EP300: variants seen among roughly 807,000 people sequenced by gnomAD.
The protein encoded by EP300 is EP300 lysine acetyltransferase.
Under a neutral mutation model 264.0 loss-of-function variants are expected in EP300, and 31 were observed. The ratio of observed to expected loss-of-function variants is 0.12; its 90% CI spans 0.09 to 0.16. The LOEUF (loss-of-function observed/expected upper bound fraction) is 0.16. EP300 is among the 10% of genes least tolerant of loss of function. EP300 has a pLI of 1.00. For missense variants in EP300, 2,766 were observed against 3,052.9 expected (o/e 0.91, Z 2.21); for synonymous variants, 1,340 against 1,045.4 (o/e 1.28, Z -5.44).
chr22:41,146,468 A>G (rs2059011269), intron 10 of EP300: 2 of 440,900 alleles, frequency 4.5e-6, no homozygotes, highest in Admixed American at 3.5e-5. Flanking sequence ...TGCCTGGCCT[A>G]TAATGGCTTC....
rs1569090318 is a variant in EP300, at chr22:41,117,300, A to G, written c.208A>G (p.Met70Val). The G allele has an allele frequency of 6.2e-7, 1 of 1,614,216 alleles. No homozygotes were observed. Among genetic ancestry groups the G allele is most frequent in the East Asian group, 2.2e-5 (1 of 44,880 alleles). The change falls in exon 2 of 31, where the codon ATG (methionine) becomes GTG (valine). Residue 70 changes from methionine (M) to valine (V), a missense_variant. Transcript: ENST00000263253. ...DINQLQTSLG[M>V]VQDAASKHKQ... is the part of the protein sequence containing the mutation. ...TAATCAGCTTCAGACAAGTCTTGGC[A>G]TGGTACAAGATGCAGCTTCTAAACA... is the stretch of plus-strand genomic sequence containing the variant.
chr22:41,107,051 C>A (rs1032203186), intron 1 of EP300, among the ~76,000 whole-genome samples: 1 of 152,056 alleles, frequency 6.6e-6, no homozygotes, highest in Admixed American at 6.6e-5. Flanking sequence ...GGATTACAGG[C>A]GTGCACCATC....
At chr22:41,161,359 T>A (rs926466100) in intron 20 of EP300, among the ~76,000 whole-genome samples, 1 of 152,242 alleles carries the variant, frequency 6.6e-6, no homozygotes, top group African/African-American at 2.4e-5. Context: ...GGCTCATGCC[T>A]GTCATCTCAG....
At chr22:41,095,232 AT>A (rs66515117) in intron 1 of EP300, among the ~76,000 whole-genome samples, 20,849 of 79,746 alleles carry the variant, frequency 0.26, 1,080 homozygotes, top group African/African-American at 0.35. Flanking sequence ...TACCATTGTA[AT>A]TTTTTTTTTT....
At chr22:41,148,807 T>C in intron 12 of EP300, 1 of 573,576 alleles carries the variant, frequency 1.7e-6, no homozygotes, top group Non-Finnish European at 3.1e-6. Flanking sequence ...CTCTTACTAT[T>C]TCTTGGAGTA....
At chr22:41,097,475 G>C (rs1282554148) in intron 1 of EP300, among the ~76,000 whole-genome samples, 2 of 152,124 alleles carry the variant, frequency 1.3e-5, no homozygotes, top group African/African-American at 4.8e-5. Context: ...GGAAACAGTT[G>C]AAAATTAATG....
intron 12 of EP300, 121 bp from the exon 13 acceptor site, chr22:41,148,917 C>T: frequency 2.2e-6 from 3 of 1,347,792 alleles, no homozygotes; most frequent in Non-Finnish European, 1.0e-6. Flanking sequence ...TTCACCTATA[C>T]TCCTGTCTTT....
intron 1 of EP300, among the ~76,000 whole-genome samples, chr22:41,112,115 C>T (rs906653624): frequency 2.6e-5 from 4 of 151,382 alleles, no homozygotes; most frequent in Non-Finnish European, 4.4e-5. Flanking sequence ...GTCTCAATCT[C>T]CTGAACTCGT....
At chr22:41,114,356 A>G (rs7284319) in intron 1 of EP300, among the ~76,000 whole-genome samples, 11,186 of 151,894 alleles carry the variant, frequency 0.074, 554 homozygotes, top group East Asian at 0.17. Flanking sequence ...TAAGTTTTGT[A>G]TTTTTTTGTG....
chr22:41,138,746 A>C (rs542969020), intron 8 of EP300, among the ~76,000 whole-genome samples: 1 of 152,304 alleles, frequency 6.6e-6, no homozygotes, highest in East Asian at 1.9e-4. Context: ...TTCTTGGAGA[A>C]GTCTTTTCAT....
At chr22:41,100,282 T>C (rs571008513) in intron 1 of EP300, among the ~76,000 whole-genome samples, 1 of 152,294 alleles carries the variant, frequency 6.6e-6, no homozygotes, top group Non-Finnish European at 1.5e-5. Flanking sequence ...TTCTTTGTAA[T>C]ATTTTTGTAC....
chr22:41,105,148 G>T (rs2058751520), intron 1 of EP300, among the ~76,000 whole-genome samples: 1 of 134,716 alleles, frequency 7.4e-6, no homozygotes, highest in African/African-American at 2.8e-5. Flanking sequence ...AGTGAGCCGA[G>T]ATCGTGCCAC....
At chr22:41,096,008 T>C (rs966313741) in intron 1 of EP300, among the ~76,000 whole-genome samples, 1 of 152,216 alleles carries the variant, frequency 6.6e-6, no homozygotes, top group African/African-American at 2.4e-5. Flanking sequence ...TTTTACGTGT[T>C]GGGATGGGGA....
intron 14 of EP300, among the ~76,000 whole-genome samples, chr22:41,151,195 T>A (rs1267593888): frequency 1.3e-5 from 2 of 152,104 alleles, no homozygotes; most frequent in African/African-American, 4.8e-5. Flanking sequence ...GTACTGTACT[T>A]GACGGATGGC....
intron 22 of EP300, among the ~76,000 whole-genome samples, chr22:41,165,298 G>T (rs1434241018): frequency 2.0e-5 from 3 of 152,086 alleles, no homozygotes; most frequent in Non-Finnish European, 4.4e-5. Flanking sequence ...AGTAATTTAT[G>T]TTCATTATAA....
intron 16 of EP300, among the ~76,000 whole-genome samples, chr22:41,153,672 C>A (rs2059060064): frequency 6.6e-6 from 1 of 152,144 alleles, no homozygotes; most frequent in Admixed American, 6.5e-5. Flanking sequence ...ATCACTTGAA[C>A]CCGGGAGATG....
chr22:41,168,322 A>G, intron 23 of EP300, 127 bp from the exon 24 acceptor site: 1 of 1,130,716 alleles, frequency 8.8e-7, no homozygotes. Context: ...CTTTGCTATG[A>G]TTTTTTAAAA....
intron 7 of EP300, among the ~76,000 whole-genome samples, chr22:41,136,985 C>T (rs1191417199): frequency 4.7e-5 from 7 of 148,720 alleles, no homozygotes; most frequent in Non-Finnish European, 1.0e-4. Context: ...GCTTGAACCC[C>T]GGAGGCAGAG....
At chr22:41,168,277 C>T (rs952049009) in intron 23 of EP300, 172 bp from the exon 24 acceptor site, 2 of 673,598 alleles carry the variant, frequency 3.0e-6, no homozygotes. Context: ...GTTCCCTGCA[C>T]TCATATGACA....
Sources: gnomAD v4.1 joint callset for allele counts (sites outside exome capture counted in the v4.1 genomes callset) on GRCh38, gnomAD v4.1.1 for gene constraint, MANE v1.5 for transcripts, NCBI Gene and HGNC (gene_info 2026-07-23, HGNC 2026-07-21) for gene names.